Variants in CLDN16 observed in about 807,000 individuals in gnomAD.
CLDN16 encodes the protein claudin 16.
In CLDN16, 13 loss-of-function variants were observed where a neutral mutation model predicts 24.6. The ratio of observed to expected loss-of-function variants is 0.53; its 90% CI spans 0.34 to 0.84. The LOEUF is 0.84. Ranked by LOEUF, CLDN16 falls within the 40% of genes least tolerant of loss-of-function variation. CLDN16 has a pLI of 0.01. For synonymous variants in CLDN16, 116 were observed against 106.7 expected (o/e 1.09, Z -0.54); for missense variants, 298 against 292.7 (o/e 1.02, Z -0.13).
chr3:190,343,435 C>A (rs1297713335), intron 1 of CLDN16, among the ~76,000 whole-genome samples: 1 of 152,124 alleles, frequency 6.6e-6, no homozygotes, highest in Non-Finnish European at 1.5e-5. Context: ...TATGATCCAG[C>A]AATATCTCTT....
At chr3:190,367,059 G>A (rs563746462) in intron 1 of CLDN16, among the ~76,000 whole-genome samples, 12 of 151,916 alleles carry the variant, frequency 7.9e-5, no homozygotes, top group Middle Eastern at 3.4e-3. Context: ...TTTAAACCAC[G>A]GGTTACTTTG....
intron 1 of CLDN16, among the ~76,000 whole-genome samples, chr3:190,363,771 G>A (rs72625042): frequency 0.19 from 28,366 of 150,728 alleles, 2,850 homozygotes; most frequent in East Asian, 0.29. Context: ...GGATCCCACT[G>A]GATTAACATG....
intron 1 of CLDN16, among the ~76,000 whole-genome samples, chr3:190,332,513 C>A (rs1717203838): frequency 6.6e-6 from 1 of 152,118 alleles, no homozygotes; most frequent in East Asian, 1.9e-4. Context: ...CTCTTCCTGG[C>A]ATAGCCACTT....
At chr3:190,390,819 G>T (rs74896531) in intron 1 of CLDN16, among the ~76,000 whole-genome samples, 2,298 of 151,900 alleles carry the variant, frequency 0.015, 56 homozygotes, top group African/African-American at 0.053. Context: ...TTGGTCTCAC[G>T]CTGTCACCCA....
At chr3:190,294,859 G>A in the CLDN16 span, among the ~76,000 whole-genome samples, 2 of 152,036 alleles carry the variant, frequency 1.3e-5, no homozygotes, top group East Asian at 1.9e-4. Flanking sequence ...CAGTAAGAAA[G>A]TAATAAATAT....
intron 1 of CLDN16, among the ~76,000 whole-genome samples, chr3:190,391,929 T>C (rs772732263): frequency 1.2e-3 from 176 of 152,268 alleles, no homozygotes; most frequent in Non-Finnish European, 6.0e-4. Context: ...GGTTTTGAGA[T>C]TTTTCAAGCG....
At chr3:190,301,023 C>T in the CLDN16 span, among the ~76,000 whole-genome samples, 1 of 150,606 alleles carries the variant, frequency 6.6e-6, no homozygotes, top group African/African-American at 2.4e-5. Context: ...TGATATGTAA[C>T]AATCAATCCA....
intron 1 of CLDN16, among the ~76,000 whole-genome samples, chr3:190,352,471 A>G (rs1446376631): frequency 6.6e-6 from 1 of 152,166 alleles, no homozygotes; most frequent in African/African-American, 2.4e-5. Flanking sequence ...TTATGACACT[A>G]TTTTGAAATG....
Position 190,410,160 on chromosome 3 carries a change from T to G in CLDN16, c.*124T>G. On this transcript the variant is annotated 3_prime_UTR_variant, in exon 5 of 5. Coordinates refer to ENST00000264734, the MANE Select transcript of CLDN16 (RefSeq NM_006580.4). ...ATATTGAATTAAATTAATTGCTAGC[T>G]TAATCAAAATGTTTGATTCTCCTAT... The G allele has an allele frequency of 8.9e-7, 1 of 1,127,808 alleles. No individual in the cohort carries two copies. Among genetic ancestry groups the G allele is most frequent in the Non-Finnish European group, 1.3e-6 (1 of 754,612 alleles). 69.9% of individuals were successfully genotyped at this position (1,127,808 alleles called of 1,614,324 possible).
intron 1 of CLDN16, among the ~76,000 whole-genome samples, chr3:190,324,418 G>A (rs1019190930): frequency 2.0e-5 from 3 of 152,172 alleles, no homozygotes; most frequent in Non-Finnish European, 4.4e-5. Context: ...GGGAGGCGGA[G>A]GTGGCAGTGA....
chr3:190,394,915 A>G (rs1466014387), intron 1 of CLDN16, among the ~76,000 whole-genome samples: 1 of 152,116 alleles, frequency 6.6e-6, no homozygotes, highest in Non-Finnish European at 1.5e-5. Context: ...GGGATATCTA[A>G]TAAGGTTGAT....
At chr3:190,344,944 A>G (rs1378175619) in intron 1 of CLDN16, among the ~76,000 whole-genome samples, 1 of 151,784 alleles carries the variant, frequency 6.6e-6, no homozygotes. Flanking sequence ...AAGTGTAAAT[A>G]AATGAATAAG....
chr3:190,320,693 A>T (rs1716894204), upstream of CLDN16, among the ~76,000 whole-genome samples: 1 of 152,194 alleles, frequency 6.6e-6, no homozygotes, highest in African/African-American at 2.4e-5. Flanking sequence ...TTGTCCCTTG[A>T]TAGGAGGTAG....
chr3:190,311,318 A>G, the CLDN16 span, among the ~76,000 whole-genome samples: 1 of 152,212 alleles, frequency 6.6e-6, no homozygotes, highest in Non-Finnish European at 1.5e-5. Flanking sequence ...AAAGATTACT[A>G]TTCGCAGCCT....
At chr3:190,354,462 A>G (rs1051673447) in intron 1 of CLDN16, among the ~76,000 whole-genome samples, 1 of 152,026 alleles carries the variant, frequency 6.6e-6, no homozygotes, top group Non-Finnish European at 1.5e-5. Context: ...TTTTGAAGAC[A>G]CACTCTTTTC....
chr3:190,345,945 G>A (rs1717541556), intron 1 of CLDN16, among the ~76,000 whole-genome samples: 1 of 151,952 alleles, frequency 6.6e-6, no homozygotes, highest in African/African-American at 2.4e-5. Context: ...GTAGTGCTGA[G>A]CATATGCCAG....
At chr3:190,404,063 A>G (rs1719027532) in intron 2 of CLDN16, among the ~76,000 whole-genome samples, 2 of 152,178 alleles carry the variant, frequency 1.3e-5, no homozygotes, top group Admixed American at 6.5e-5. Flanking sequence ...TATGTAACCT[A>G]TTAACATATG....
At chr3:190,314,510 A>T in the CLDN16 span, among the ~76,000 whole-genome samples, 833 of 151,768 alleles carry the variant, frequency 5.5e-3, 8 homozygotes, top group African/African-American at 0.019. Context: ...TTCTCATCCC[A>T]CAGCCTCCTG....
intron 1 of CLDN16, among the ~76,000 whole-genome samples, chr3:190,339,277 G>A (rs2108628278): frequency 6.6e-6 from 1 of 152,146 alleles, no homozygotes; most frequent in East Asian, 1.9e-4. Context: ...TAGGCTTCTG[G>A]GCCTAACTCA....
Sources: gnomAD v4.1 joint callset for allele counts (sites outside exome capture counted in the v4.1 genomes callset) on GRCh38, gnomAD v4.1.1 for gene constraint, MANE v1.5 for transcripts, NCBI Gene and HGNC (gene_info 2026-07-23, HGNC 2026-07-21) for gene names.